SRGAP2: variants seen among roughly 807,000 people sequenced by gnomAD.
The protein encoded by SRGAP2 is SLIT-ROBO Rho GTPase-activating protein 2.
A neutral mutation model predicts 57.2 loss-of-function variants in SRGAP2; 15 were observed. The observed-to-expected ratio is 0.26, with a 90% CI of 0.18 to 0.40. The LOEUF (loss-of-function observed/expected upper bound fraction) is 0.40. Ranked by LOEUF, SRGAP2 falls within the 10% of genes least tolerant of loss-of-function variation. The pLI, the probability that SRGAP2 is intolerant of heterozygous loss-of-function variation, is 1.00. For synonymous variants in SRGAP2, 249 were observed against 248.0 expected, an observed-to-expected ratio of 1.00 and a Z score of -0.04; for missense variants, 520 against 669.6, an observed-to-expected ratio of 0.78 and a Z score of 2.47.
intron 17 of SRGAP2, among the ~76,000 whole-genome samples, chr1:206,445,198 A>T (rs1284173920): frequency 3.9e-5 from 6 of 152,178 alleles, no homozygotes; most frequent in Non-Finnish European, 8.8e-5. Flanking sequence ...TTGGGGAGGT[A>T]TCCAGAGCTG....
At chr1:206,411,678 C>T (rs1181319278) in intron 10 of SRGAP2, among the ~76,000 whole-genome samples, 5 of 152,110 alleles carry the variant, frequency 3.3e-5, no homozygotes, top group Non-Finnish European at 4.4e-5. Flanking sequence ...CTTGGGTTCA[C>T]GCAGATTAAA....
At chr1:206,310,424 G>A (rs75662854) in intron 3 of SRGAP2, among the ~76,000 whole-genome samples, 3,389 of 151,982 alleles carry the variant, frequency 0.022, 124 homozygotes, top group African/African-American at 0.077. Flanking sequence ...TGTGAAATTC[G>A]AAATTATCCC....
intron 2 of SRGAP2, among the ~76,000 whole-genome samples, chr1:206,209,196 T>C (rs577410326): frequency 0.012 from 1,528 of 129,820 alleles, 30 homozygotes; most frequent in African/African-American, 0.032. Flanking sequence ...ATCATTTAGT[T>C]GTAACAAAAC....
chr1:206,303,880 TCTCTCTCTCACA>T (rs1265306788), intron 3 of SRGAP2, among the ~76,000 whole-genome samples: 7 of 138,750 alleles, frequency 5.0e-5, no homozygotes, highest in African/African-American at 1.5e-4. Context: ...TCTCTCTCTC[TCTCTCTCTCACA>T]CACACACACA....
chr1:206,454,618 G>A lies in SRGAP2; in HGVS notation c.2361-260G>A, dbSNP rs1663654948. On this transcript the variant is annotated intron_variant, in intron 20 of 22. Transcript: ENST00000573034. The surrounding 1 kb of genome is among the most constrained non-coding windows in gnomAD (Gnocchi z 4.3). The stretch of plus-strand genomic sequence containing the variant: ...TAGAAGGCAGATGCCTCGAATCCAG[G>A]TGTCCCCTAGCCACGCTTTCCTGAG... 3 of 468,550 alleles carry A rather than the reference G, an allele frequency of 6.4e-6. No homozygotes were observed. The highest frequency in any genetic ancestry group is 1.1e-5 in the Non-Finnish European group (3 of 265,928). 29.0% of individuals were successfully genotyped at this position (468,550 alleles called of 1,614,324 possible). A position where few individuals can be genotyped will look rare whatever the true frequency, so the allele number is the denominator to read the frequency against.
At chr1:206,240,288 CAT>C (rs1198784705) in intron 2 of SRGAP2, among the ~76,000 whole-genome samples, 1 of 142,428 alleles carries the variant, frequency 7.0e-6, no homozygotes, top group Non-Finnish European at 1.5e-5. Context: ...AAAAAAAAGA[CAT>C]TGACTGGTCT....
At chr1:206,237,328 A>G (rs1267573570) in intron 2 of SRGAP2, among the ~76,000 whole-genome samples, 27 of 152,298 alleles carry the variant, frequency 1.8e-4, no homozygotes, top group Admixed American at 3.3e-4. Context: ...CGTATTCACA[A>G]ATCTTTTTAT....
intron 18 of SRGAP2, among the ~76,000 whole-genome samples, chr1:206,448,135 G>A (rs916119353): frequency 1.3e-5 from 2 of 152,152 alleles, no homozygotes; most frequent in African/African-American, 2.4e-5. Flanking sequence ...TGAGAGAAGT[G>A]CCAGCCCCGG....
intron 4 of SRGAP2, among the ~76,000 whole-genome samples, chr1:206,383,697 A>G (rs1655922991): frequency 6.8e-6 from 1 of 147,742 alleles, no homozygotes; most frequent in South Asian, 2.1e-4. Context: ...GTTCCACCTA[A>G]CAACAGTTGC....
Position 206,210,724 on chromosome 1 carries a change from C to T in SRGAP2, c.67+4687C>T, listed in dbSNP as rs1666265354. On this transcript the variant is annotated intron_variant, in intron 2 of 22. Coordinates refer to ENST00000573034, the MANE Select transcript of SRGAP2 (RefSeq NM_015326.5). ...CTCCAAAGCTTCTTTCCTCACAGCT[C>T]CCATTCCCCAAGGGAGCTTTAAATA... Among the ~76,000 whole-genome samples the T allele has an allele frequency of 2.7e-5, 4 of 148,458 alleles. 1 individual carries two copies. The highest frequency in any genetic ancestry group is 1.3e-4 in the Admixed American group (2 of 15,104).
intron 4 of SRGAP2, among the ~76,000 whole-genome samples, chr1:206,383,806 A>G (rs1474445373): frequency 6.8e-6 from 1 of 146,006 alleles, no homozygotes; most frequent in Non-Finnish European, 1.5e-5. Context: ...TTGCTAGGCT[A>G]TAGAGAGGGC....
intron 4 of SRGAP2, among the ~76,000 whole-genome samples, chr1:206,360,817 AC>A (rs1676854818): frequency 7.0e-6 from 1 of 142,730 alleles, no homozygotes; most frequent in Non-Finnish European, 1.5e-5. Flanking sequence ...GCCTTAGTTT[AC>A]CCAGTTAGGT....
Position 206,440,067 on chromosome 1 carries a change from T to A in SRGAP2, c.1860T>A (p.Phe620Leu), listed in dbSNP as rs782345698. Residue 620 changes from phenylalanine (F) to leucine (L), a missense_variant, in exon 17 of 23, where the codon TTT becomes TTA. Physicochemically the swap from Phe to Leu is conservative, Grantham distance 22. This residue lies in a region of SRGAP2 where 478 missense variants were observed against 373.6 expected (regional missense o/e 1.28). Transcript: ENST00000573034. ...KTTLIIMRYL[F>L]AFLNHLSQFS... ...CTCTGATTATCATGAGATACCTCTT[T>A]GCCTTCCTCAATCAGTGAGTAGCCT... The A allele has an allele frequency of 1.3e-6, 1 of 780,894 alleles. No individual in the cohort carries two copies. The highest frequency in any genetic ancestry group is 2.4e-6 in the Non-Finnish European group (1 of 417,966). 48.4% of individuals were successfully genotyped at this position (780,894 alleles called of 1,614,324 possible).
chr1:206,415,784 A>C (rs1659649869), intron 10 of SRGAP2, 105 bp from the exon 11 acceptor site: 1 of 696,038 alleles, frequency 1.4e-6, no homozygotes, highest in Non-Finnish European at 2.6e-6. Context: ...ATTGGGTCAG[A>C]AACCAAATGA....
At chr1:206,430,256 CAA>C (rs1468408793) in intron 14 of SRGAP2, 34 bp downstream of exon 14, 1 of 779,858 alleles carries the variant, frequency 1.3e-6, no homozygotes, top group African/African-American at 1.7e-5. Flanking sequence ...CATATTTGTG[CAA>C]AGATTGGGAA....
At chr1:206,433,478 A>C (rs1553368945) in intron 14 of SRGAP2, among the ~76,000 whole-genome samples, 1 of 152,102 alleles carries the variant, frequency 6.6e-6, no homozygotes, top group African/African-American at 2.4e-5. Context: ...GTCTCTACTA[A>C]AAATACAAAA....
At chr1:206,460,794 G>T (rs1227844073) in intron 22 of SRGAP2, among the ~76,000 whole-genome samples, 2 of 146,412 alleles carry the variant, frequency 1.4e-5, no homozygotes, top group Non-Finnish European at 3.0e-5. Flanking sequence ...AAAACCTAGG[G>T]TCTCTAAAAA....
intron 4 of SRGAP2, among the ~76,000 whole-genome samples, chr1:206,346,491 A>G (rs1217307337): frequency 6.6e-6 from 1 of 152,232 alleles, no homozygotes; most frequent in African/African-American, 2.4e-5. Context: ...AAGCAAATGA[A>G]GACCAGATTT....
At chr1:206,460,650 A>G (rs907188081) in intron 22 of SRGAP2, among the ~76,000 whole-genome samples, 2 of 152,118 alleles carry the variant, frequency 1.3e-5, no homozygotes, top group African/African-American at 4.8e-5. Context: ...AACCTACCCA[A>G]AAGCAGACAG....
Sources: allele counts gnomAD v4.1 joint callset (sites outside exome capture counted in the v4.1 genomes callset), GRCh38; gene constraint gnomAD v4.1.1; regional missense constraint gnomAD v4.1.1; non-coding constraint Gnocchi (gnomAD v3.1); transcripts MANE v1.5; gene names NCBI Gene and HGNC (gene_info 2026-07-23, HGNC 2026-07-21).